Variants in VAV3 observed in about 807,000 individuals in gnomAD.
VAV3 encodes the protein guanine nucleotide exchange factor VAV3.
In VAV3, 94 loss-of-function variants were observed where a neutral mutation model predicts 131.2. The ratio of observed to expected loss-of-function variants is 0.72; its 90% CI spans 0.61 to 0.85. VAV3 has a LOEUF of 0.85. VAV3 is among the 40% of genes least tolerant of loss of function. The pLI, the probability that VAV3 is intolerant of heterozygous loss-of-function variation, is 0.00. For missense variants in VAV3, 939 were observed against 1,002.7 expected (o/e 0.94, Z 0.86); for synonymous variants, 349 against 342.0 (o/e 1.02, Z -0.22).
At chr1:107,614,567 T>G (rs532953360) in intron 21 of VAV3, among the ~76,000 whole-genome samples, 1 of 152,248 alleles carries the variant, frequency 6.6e-6, no homozygotes, top group Non-Finnish European at 1.5e-5. Flanking sequence ...TTGCTTACAA[T>G]TATAAGTTAC....
intron 24 of VAV3, among the ~76,000 whole-genome samples, chr1:107,601,291 C>A (rs965741410): frequency 2.6e-5 from 4 of 152,148 alleles, no homozygotes; most frequent in Non-Finnish European, 5.9e-5. Context: ...AGCTTTTGAA[C>A]TGGGAATGAT....
At chr1:107,725,171 G>A (rs1661763732) in intron 15 of VAV3, among the ~76,000 whole-genome samples, 2 of 152,196 alleles carry the variant, frequency 1.3e-5, no homozygotes, top group African/African-American at 2.4e-5. Flanking sequence ...TCTTACAACA[G>A]TCAGTTGGGA....
chr1:107,775,864 G>A (rs1449323255), intron 4 of VAV3, among the ~76,000 whole-genome samples: 1 of 152,290 alleles, frequency 6.6e-6, no homozygotes, highest in Non-Finnish European at 1.5e-5. Context: ...TGTGACTGCA[G>A]TGGGTGTGCT....
chr1:107,608,596 T>G (rs1259972335), intron 22 of VAV3, among the ~76,000 whole-genome samples: 1 of 152,186 alleles, frequency 6.6e-6, no homozygotes, highest in Non-Finnish European at 1.5e-5. Flanking sequence ...AGCTCAGTGC[T>G]GAGGCCCAGG....
chr1:107,816,724 T>C (rs75343376), intron 2 of VAV3, among the ~76,000 whole-genome samples: 140 of 152,332 alleles, frequency 9.2e-4, no homozygotes, highest in Non-Finnish European at 8.5e-4. Flanking sequence ...TTGGAAAATA[T>C]AAAATGTACA....
chr1:107,948,030 T>G (rs975681115), intron 1 of VAV3, among the ~76,000 whole-genome samples: 2 of 152,224 alleles, frequency 1.3e-5, no homozygotes, highest in African/African-American at 4.8e-5. Context: ...ATAGCAAAAC[T>G]GCTCTCCTAG....
intron 18 of VAV3, among the ~76,000 whole-genome samples, chr1:107,683,957 A>G (rs1658838921): frequency 6.6e-6 from 1 of 152,222 alleles, no homozygotes; most frequent in Non-Finnish European, 1.5e-5. Context: ...GACCTCACAG[A>G]CCAGACTGAA....
At chr1:107,824,592 A>C (rs1015543662) in intron 2 of VAV3, among the ~76,000 whole-genome samples, 1 of 152,160 alleles carries the variant, frequency 6.6e-6, no homozygotes, top group Non-Finnish European at 1.5e-5. Flanking sequence ...AAAATACTGG[A>C]ACATATACAC....
At chr1:107,843,504 A>T (rs1354112184) in intron 2 of VAV3, among the ~76,000 whole-genome samples, 1 of 148,684 alleles carries the variant, frequency 6.7e-6, no homozygotes, top group Non-Finnish European at 1.5e-5. Flanking sequence ...TACACTGTTG[A>T]GATTAAAAAT....
At chr1:107,624,166 G>A (rs1653819171) in intron 20 of VAV3, among the ~76,000 whole-genome samples, 1 of 152,018 alleles carries the variant, frequency 6.6e-6, no homozygotes, top group Non-Finnish European at 1.5e-5. Flanking sequence ...CCCACTAAAA[G>A]CCATAAGCTG....
At chr1:107,696,329 T>C (rs376891648) in intron 17 of VAV3, among the ~76,000 whole-genome samples, 5 of 152,356 alleles carry the variant, frequency 3.3e-5, no homozygotes, top group African/African-American at 1.2e-4. Flanking sequence ...TTCCAGCTAT[T>C]TGAAAATATA....
intron 2 of VAV3, among the ~76,000 whole-genome samples, chr1:107,866,812 G>T (rs1235617566): frequency 1.1e-5 from 1 of 91,774 alleles, no homozygotes; most frequent in African/African-American, 4.9e-5. Flanking sequence ...AAAAGAGCGA[G>T]ACTCCATCTC....
intron 2 of VAV3, among the ~76,000 whole-genome samples, chr1:107,797,998 G>A (rs1053868033): frequency 2.0e-5 from 3 of 152,150 alleles, no homozygotes; most frequent in African/African-American, 7.2e-5. Flanking sequence ...GATAAGCCAT[G>A]AAGAGATTAA....
intron 1 of VAV3, among the ~76,000 whole-genome samples, chr1:107,923,323 G>T (rs949048888): frequency 1.3e-5 from 2 of 152,096 alleles, no homozygotes; most frequent in Non-Finnish European, 2.9e-5. Flanking sequence ...GAAGGTTTGT[G>T]TCTTCCTCCC....
chr1:107,649,330 A>C (rs1174699197), intron 19 of VAV3, among the ~76,000 whole-genome samples: 1 of 152,140 alleles, frequency 6.6e-6, no homozygotes. Flanking sequence ...CAAGAGAGAC[A>C]GTCTAAAGGA....
chr1:107,956,784 G>A lies in VAV3; in HGVS notation c.204+7882C>T, dbSNP rs1361983382. Among the ~76,000 whole-genome samples, 3 of 152,072 alleles carry A rather than the reference G, an allele frequency of 2.0e-5. No individual in the cohort carries two copies. In the East Asian group the frequency reaches 5.8e-4, roughly 29 times the overall value. ...ACTTAAAGTGAGAGCAGTCAGCACG[G>A]TGCGGGTTTTCCTCCATTACATTCA... is the stretch of plus-strand genomic sequence containing the variant. On this transcript the variant is annotated intron_variant, in intron 1 of 26. Transcript: ENST00000370056.
chr1:107,876,910 C>A (rs1031696309), intron 1 of VAV3, among the ~76,000 whole-genome samples: 28 of 151,454 alleles, frequency 1.8e-4, no homozygotes, highest in African/African-American at 6.5e-4. Flanking sequence ...AAAAGTGTTG[C>A]CAATGTCTTA....
intron 15 of VAV3, among the ~76,000 whole-genome samples, chr1:107,722,827 C>A (rs2101927756): frequency 7.4e-6 from 1 of 134,518 alleles, no homozygotes; most frequent in Non-Finnish European, 1.5e-5. Flanking sequence ...GTCAGAAAGC[C>A]CTATTATCCT....
At chr1:107,756,906 A>G (rs1050869075) in intron 11 of VAV3, among the ~76,000 whole-genome samples, 3 of 152,014 alleles carry the variant, frequency 2.0e-5, no homozygotes, top group African/African-American at 4.8e-5. Flanking sequence ...AAAGAATGGG[A>G]AAAAAATATG....
Sources: gnomAD v4.1 joint callset for allele counts (sites outside exome capture counted in the v4.1 genomes callset) on GRCh38, gnomAD v4.1.1 for gene constraint, MANE v1.5 for transcripts, NCBI Gene and HGNC (gene_info 2026-07-23, HGNC 2026-07-21) for gene names.